Variants in SLC5A4 observed in about 807,000 individuals in gnomAD.
SLC5A4 encodes probable glucose sensor protein SLC5A4.
SLC5A4 carries 55 observed loss-of-function variants against 70.3 expected under a neutral mutation model. The observed-to-expected ratio is 0.78, with a 90% CI of 0.63 to 0.98. The LOEUF (loss-of-function observed/expected upper bound fraction) is 0.98, where lower values mean the gene tolerates loss of function less well. Ranked by LOEUF, SLC5A4 falls within the 50% of genes least tolerant of loss-of-function variation. The pLI is 0.00. For synonymous variants in SLC5A4, 268 were observed against 305.7 expected, an observed-to-expected ratio of 0.88 and a Z score of 1.29; for missense variants, 735 against 839.2, an observed-to-expected ratio of 0.88 and a Z score of 1.53.
the SLC5A4 span, among the ~76,000 whole-genome samples, chr22:32,330,579 C>G: frequency 1.2e-5 from 1 of 85,296 alleles, no homozygotes; most frequent in Non-Finnish European, 2.1e-5. Flanking sequence ...GTGTTGGGGG[C>G]TGTGGTGTGT....
At chr22:32,353,630 C>T in the SLC5A4 span, among the ~76,000 whole-genome samples, 1 of 151,874 alleles carries the variant, frequency 6.6e-6, no homozygotes, top group Non-Finnish European at 1.5e-5. Flanking sequence ...AGTGTAGCCC[C>T]CAGATAGCGC....
the SLC5A4 span, among the ~76,000 whole-genome samples, chr22:32,336,314 C>G: frequency 2.0e-5 from 3 of 152,216 alleles, no homozygotes; most frequent in Non-Finnish European, 2.9e-5. Context: ...GGCGTATTCA[C>G]GAGCCCCCAG....
the SLC5A4 span, among the ~76,000 whole-genome samples, chr22:32,287,274 G>A: frequency 1.3e-5 from 2 of 152,068 alleles, no homozygotes; most frequent in African/African-American, 2.4e-5. Flanking sequence ...ATTCTTCCAC[G>A]TCCATTTCAG....
chr22:32,302,188 C>T, the SLC5A4 span, among the ~76,000 whole-genome samples: 24 of 151,830 alleles, frequency 1.6e-4, no homozygotes, highest in African/African-American at 5.3e-4. Context: ...TGGATATCCT[C>T]AGTAAAATGT....
chr22:32,332,680 T>C, the SLC5A4 span, among the ~76,000 whole-genome samples: 3 of 152,310 alleles, frequency 2.0e-5, no homozygotes, highest in East Asian at 1.9e-4. Flanking sequence ...ACCTCACTTG[T>C]AGCCTGCCTT....
At chr22:32,239,318 G>A (rs1326147836) in intron 5 of SLC5A4, among the ~76,000 whole-genome samples, 1 of 150,968 alleles carries the variant, frequency 6.6e-6, no homozygotes. Flanking sequence ...TCATTGCTCA[G>A]TTGAGGTGCT....
the SLC5A4 span, chr22:32,343,067 G>A: frequency 7.0e-6 from 1 of 143,504 alleles, no homozygotes; most frequent in East Asian, 2.6e-4. Context: ...TTTCTCAGCG[G>A]CCTTCTAATA....
At chr22:32,328,166 T>G in the SLC5A4 span, among the ~76,000 whole-genome samples, 3 of 151,822 alleles carry the variant, frequency 2.0e-5, no homozygotes, top group Admixed American at 2.0e-4. Flanking sequence ...ACTGTTGACT[T>G]TTCCCTTCTG....
chr22:32,333,200 C>CT, the SLC5A4 span, among the ~76,000 whole-genome samples: 4 of 148,540 alleles, frequency 2.7e-5, no homozygotes, highest in South Asian at 4.4e-4. Context: ...ACTGGCACCC[C>CT]CCCCCCAGAA....
chr22:32,303,155 GAC>G, the SLC5A4 span, among the ~76,000 whole-genome samples: 4 of 152,184 alleles, frequency 2.6e-5, no homozygotes, highest in Non-Finnish European at 5.9e-5. Flanking sequence ...ACACACCCAT[GAC>G]ACAGCTTCAG....
At chr22:32,325,106 C>T in the SLC5A4 span, among the ~76,000 whole-genome samples, 2 of 152,244 alleles carry the variant, frequency 1.3e-5, no homozygotes, top group African/African-American at 2.4e-5. Flanking sequence ...CCGTAGACCC[C>T]GAGGCCCAGG....
At chr22:32,232,660 G>A (rs919081506) in intron 9 of SLC5A4, among the ~76,000 whole-genome samples, 3 of 151,778 alleles carry the variant, frequency 2.0e-5, no homozygotes, top group Admixed American at 6.6e-5. Flanking sequence ...TCATGAAGAC[G>A]GAACTCACAG....
At chr22:32,255,576 G>C (rs16990066), upstream of SLC5A4, among the ~76,000 whole-genome samples, 1 of 152,008 alleles carries the variant, frequency 6.6e-6, no homozygotes, top group African/African-American at 2.4e-5. Flanking sequence ...AGCATGGGGC[G>C]TTCTCTGAGT....
the SLC5A4 span, among the ~76,000 whole-genome samples, chr22:32,340,877 C>T: frequency 2.0e-5 from 3 of 152,174 alleles, no homozygotes; most frequent in Non-Finnish European, 2.9e-5. Flanking sequence ...CGCCCTGCCA[C>T]TGTCGGGGAC....
chr22:32,341,611 G>A, the SLC5A4 span, among the ~76,000 whole-genome samples: 17 of 152,222 alleles, frequency 1.1e-4, no homozygotes, highest in African/African-American at 1.7e-4. Context: ...GAAGGCTCAC[G>A]GACGTGACGC....
chr22:32,225,059 T>C (rs1431574937), intron 12 of SLC5A4, among the ~76,000 whole-genome samples: 2 of 152,190 alleles, frequency 1.3e-5, no homozygotes, highest in Non-Finnish European at 2.9e-5. Context: ...TTAAGTAACA[T>C]GTGGAAAGCA....
chr22:32,300,203 G>T, the SLC5A4 span, among the ~76,000 whole-genome samples: 3 of 152,128 alleles, frequency 2.0e-5, no homozygotes, highest in Non-Finnish European at 4.4e-5. Flanking sequence ...CTTCCCAGCT[G>T]CTTTGTTTAC....
At chr22:32,264,504 A>G in the SLC5A4 span, among the ~76,000 whole-genome samples, 1 of 152,102 alleles carries the variant, frequency 6.6e-6, no homozygotes, top group Non-Finnish European at 1.5e-5. Context: ...CCATGTAGTT[A>G]ACGTTACAGT....
the SLC5A4 span, among the ~76,000 whole-genome samples, chr22:32,331,026 T>A: frequency 2.2e-5 from 3 of 137,594 alleles, no homozygotes; most frequent in Admixed American, 1.4e-4. Flanking sequence ...GGTGTGTGTG[T>A]GTGTTGGAGG....
Sources: allele counts gnomAD v4.1 joint callset (sites outside exome capture counted in the v4.1 genomes callset), GRCh38; gene constraint gnomAD v4.1.1; transcripts MANE v1.5; gene names NCBI Gene and HGNC (gene_info 2026-07-23, HGNC 2026-07-21).